GXYLT2: variants seen among roughly 807,000 people sequenced by gnomAD.
GXYLT2 encodes the protein glucoside xylosyltransferase 2, also known as glycosyltransferase 8 domain containing 4.
Under a neutral mutation model 45.8 loss-of-function variants are expected in GXYLT2, and 53 were observed. That is an observed-to-expected ratio of 1.16 (90% CI 0.93 to 1.46). GXYLT2 has a LOEUF of 1.46. GXYLT2 is among the 40% of genes most tolerant of loss of function. The pLI is 0.00. For missense variants in GXYLT2, 551 were observed against 544.4 expected (o/e 1.01, Z -0.12); for synonymous variants, 219 against 214.2 (o/e 1.02, Z -0.19).
At chr3:72,915,543 G>T (rs1709724266) in intron 2 of GXYLT2, among the ~76,000 whole-genome samples, 1 of 151,906 alleles carries the variant, frequency 6.6e-6, no homozygotes, top group African/African-American at 2.4e-5. Context: ...CCTTTTTAAA[G>T]GTATTGAGGG....
At chr3:72,953,075 G>T (rs571449336) in intron 3 of GXYLT2, among the ~76,000 whole-genome samples, 1 of 152,050 alleles carries the variant, frequency 6.6e-6, no homozygotes, top group Non-Finnish European at 1.5e-5. Flanking sequence ...TAAGCAGTTC[G>T]CACAGGAGAA....
At chr3:72,898,882 C>A (rs1263972742) in intron 1 of GXYLT2, among the ~76,000 whole-genome samples, 1 of 152,126 alleles carries the variant, frequency 6.6e-6, no homozygotes, top group African/African-American at 2.4e-5. Context: ...CAGGCATGTG[C>A]CACCATGCCC....
chr3:72,913,157 C>T (rs1362209947), intron 2 of GXYLT2, among the ~76,000 whole-genome samples: 1 of 151,164 alleles, frequency 6.6e-6, no homozygotes, highest in Non-Finnish European at 1.5e-5. Flanking sequence ...CCTGCCTCAG[C>T]CTCCCGAGTA....
chr3:72,914,503 TTA>T (rs947081048), intron 2 of GXYLT2, among the ~76,000 whole-genome samples: 3 of 150,620 alleles, frequency 2.0e-5, no homozygotes, highest in African/African-American at 7.4e-5. Context: ...ATGTATGTTT[TTA>T]TATATATATA....
In GXYLT2 at chr3:72,896,068, T is replaced by C. The variant is rs543932748; in HGVS notation, c.275+7560T>C. Among the ~76,000 whole-genome samples, 8 of 152,348 alleles carry C rather than the reference T, an allele frequency of 5.3e-5. No homozygotes were observed. In the South Asian group the frequency reaches 8.3e-4, roughly 16 times the overall value. ...TCATAGGAGTCACCAAATGATTTGC[T>C]GTTCTGGGTACTATTATTATCCATC... is the stretch of plus-strand genomic sequence containing the variant. On this transcript the variant is annotated intron_variant, in intron 1 of 6. Transcript: ENST00000389617.
intron 3 of GXYLT2, among the ~76,000 whole-genome samples, chr3:72,954,399 CTGTG>C (rs3078688): frequency 7.2e-4 from 96 of 133,888 alleles, no homozygotes; most frequent in Middle Eastern, 3.6e-3. Flanking sequence ...TGCTCCCAGC[CTGTG>C]TGTGTGTGTG....
chr3:72,949,388 C>T (rs1195313634), intron 3 of GXYLT2, among the ~76,000 whole-genome samples: 5 of 151,978 alleles, frequency 3.3e-5, no homozygotes, highest in Non-Finnish European at 7.4e-5. Context: ...CTTAAGGGCT[C>T]TGCTTTGTGC....
At position 72,912,391 on chromosome 3, in the gene GXYLT2, C is replaced by G. The variant is rs562123061; in HGVS notation, c.468+3832C>G. ...TTTTGAACTCTGGGCTCAAGTGATT[C>G]TCCTGCCTTGGCCTCCCAAAGTACT... On this transcript the variant is annotated intron_variant, in intron 2 of 6. Coordinates refer to ENST00000389617, the MANE Select transcript of GXYLT2 (RefSeq NM_001080393.2). Among the ~76,000 whole-genome samples the G allele has an allele frequency of 5.9e-5, 9 of 152,170 alleles. No homozygotes were observed. In the South Asian group the frequency reaches 1.7e-3, roughly 28 times the overall value.
intron 1 of GXYLT2, among the ~76,000 whole-genome samples, chr3:72,895,460 A>C (rs1709271458): frequency 6.6e-6 from 1 of 152,124 alleles, no homozygotes; most frequent in Admixed American, 6.5e-5. Flanking sequence ...TGCTTTTAAC[A>C]CCTTTACTAA....
chr3:72,922,324 CT>C lies in GXYLT2; in HGVS notation c.590del (p.Leu197ProfsTer5). ...KLFKPCAAQR[L>X]FLPVILKDVD... is the part of the protein sequence containing the mutation. ...GTTCAAACCCTGTGCTGCCCAGAGA[CT>C]CTTTCTTCCGGTAGGAACACCTGTT... On this transcript the variant is annotated frameshift_variant, in exon 3 of 7. Coordinates refer to ENST00000389617, the MANE Select transcript of GXYLT2 (RefSeq NM_001080393.2). LOFTEE classifies it high-confidence loss of function. 1 of 1,611,130 alleles carries C rather than the reference CT, an allele frequency of 6.2e-7. No homozygotes were observed. The highest frequency in any genetic ancestry group is 1.7e-5 in the Admixed American group (1 of 59,182).
chr3:72,929,627 G>C, intron 3 of GXYLT2: 7 of 922,220 alleles, frequency 7.6e-6, no homozygotes, highest in Non-Finnish European at 3.5e-6. Flanking sequence ...ATAGCCATGG[G>C]GTGACTTCCC....
At chr3:72,891,756 G>T (rs1418500785) in intron 1 of GXYLT2, among the ~76,000 whole-genome samples, 1 of 152,154 alleles carries the variant, frequency 6.6e-6, no homozygotes, top group Non-Finnish European at 1.5e-5. Context: ...AAGAAGAGGG[G>T]TAAATAAATA....
At chr3:72,935,950 G>A (rs999819448) in intron 3 of GXYLT2, among the ~76,000 whole-genome samples, 2 of 152,198 alleles carry the variant, frequency 1.3e-5, no homozygotes, top group African/African-American at 4.8e-5. Context: ...CGTGAAAGGA[G>A]TATCAGGGGA....
intron 3 of GXYLT2, among the ~76,000 whole-genome samples, chr3:72,933,644 C>T (rs776043142): frequency 6.6e-6 from 1 of 151,918 alleles, no homozygotes; most frequent in Non-Finnish European, 1.5e-5. Flanking sequence ...CACAGTGGCT[C>T]GTACCTGTAA....
intron 1 of GXYLT2, among the ~76,000 whole-genome samples, chr3:72,907,202 C>T (rs906420527): frequency 1.4e-4 from 21 of 152,272 alleles, no homozygotes; most frequent in African/African-American, 4.8e-4. Flanking sequence ...AGTAACTCTC[C>T]GCATCTGGTC....
intron 5 of GXYLT2, among the ~76,000 whole-genome samples, chr3:72,966,824 C>T (rs1465660781): frequency 6.6e-6 from 1 of 151,826 alleles, no homozygotes; most frequent in Non-Finnish European, 1.5e-5. Context: ...CAGGTTTCGC[C>T]ATGTTGGCCA....
chr3:72,949,756 G>T (rs367797216), intron 3 of GXYLT2, among the ~76,000 whole-genome samples: 7 of 151,608 alleles, frequency 4.6e-5, no homozygotes, highest in African/African-American at 1.7e-4. Flanking sequence ...CTCATGATCC[G>T]CTCGCCTTAG....
intron 3 of GXYLT2, among the ~76,000 whole-genome samples, chr3:72,948,601 G>A (rs1259615040): frequency 6.6e-6 from 1 of 152,188 alleles, no homozygotes; most frequent in Non-Finnish European, 1.5e-5. Context: ...CACTTTGGGA[G>A]GCCAAGGCGG....
At chr3:72,948,674 T>G (rs1710457669) in intron 3 of GXYLT2, among the ~76,000 whole-genome samples, 1 of 151,734 alleles carries the variant, frequency 6.6e-6, no homozygotes, top group Non-Finnish European at 1.5e-5. Context: ...CCGTCTCTAC[T>G]GAAAATACAA....
Sources: allele counts gnomAD v4.1 joint callset (sites outside exome capture counted in the v4.1 genomes callset), GRCh38; gene constraint gnomAD v4.1.1; transcripts MANE v1.5; gene names NCBI Gene and HGNC (gene_info 2026-07-23, HGNC 2026-07-21).